Variants in ZKSCAN5 observed in about 807,000 individuals in gnomAD.
ZKSCAN5 encodes the protein zinc finger protein with KRAB and SCAN domains 5.
A neutral mutation model predicts 60.0 loss-of-function variants in ZKSCAN5; 28 were observed. The observed-to-expected ratio is 0.47, with a 90% CI of 0.35 to 0.64. The LOEUF is 0.64. ZKSCAN5 is among the 30% of genes least tolerant of loss of function. The pLI is 0.01. For missense variants in ZKSCAN5, 881 were observed against 1,034.6 expected, an observed-to-expected ratio of 0.85 and a Z score of 2.04; for synonymous variants, 361 against 371.2, an observed-to-expected ratio of 0.97 and a Z score of 0.31.
chr7:99,525,558 A>G (rs1414461172), intron 5 of ZKSCAN5, among the ~76,000 whole-genome samples: 1 of 152,084 alleles, frequency 6.6e-6, no homozygotes, highest in African/African-American at 2.4e-5. Flanking sequence ...TGCCACACTG[A>G]GAGGAGACCC....
rs192582076 is a variant in ZKSCAN5 at position 99,510,827 on chromosome 7, G to A, written c.415-1626G>A. Reference sequence around the variant, plus strand: ...GCAATCTCAGCTCACTGCACTCTCCGCCTCCCAGGCTCAAGCGATCCTCCC... The same window carrying A: ...GCAATCTCAGCTCACTGCACTCTCCACCTCCCAGGCTCAAGCGATCCTCCC... On this transcript the variant is annotated intron_variant, in intron 2 of 6. Coordinates refer to ENST00000326775, the MANE Select transcript of ZKSCAN5 (RefSeq NM_145102.4). Among the ~76,000 whole-genome samples the A allele has an allele frequency of 1.1e-4, 17 of 151,530 alleles. No individual in the cohort carries two copies. In the East Asian group the frequency reaches 3.3e-3, roughly 30 times the overall value.
At chr7:99,507,581 A>G (rs939827641) in intron 2 of ZKSCAN5, among the ~76,000 whole-genome samples, 52 of 149,086 alleles carry the variant, frequency 3.5e-4, no homozygotes, top group African/African-American at 1.2e-3. Flanking sequence ...ATATGTGTAT[A>G]TTTATGTGTG....
chr7:99,527,087 G>A (rs1340323513), intron 6 of ZKSCAN5, among the ~76,000 whole-genome samples: 2 of 152,110 alleles, frequency 1.3e-5, no homozygotes, highest in Non-Finnish European at 2.9e-5. Flanking sequence ...AGTGCTTTGG[G>A]AGGCGGCTGA....
intron 3 of ZKSCAN5, among the ~76,000 whole-genome samples, chr7:99,514,841 T>C (rs1584177964): frequency 6.6e-6 from 1 of 150,662 alleles, no homozygotes; most frequent in Non-Finnish European, 1.5e-5. Flanking sequence ...AACCCGGGAG[T>C]TGGAGGTTGC....
chr7:99,520,113 CT>C, intron 4 of ZKSCAN5, 55 bp from the exon 5 acceptor site: 1 of 1,599,278 alleles, frequency 6.3e-7, no homozygotes, highest in African/African-American at 1.3e-5. Flanking sequence ...AGTTCTTCCC[CT>C]CACTCCAAAT....
rs1293177094 is a variant in ZKSCAN5, at chr7:99,533,326, A to C, written c.*1077A>C. 4.6e-6 allele frequency: 3 copies of C among 649,590 alleles called. No individual in the cohort carries two copies. Among genetic ancestry groups the C allele is most frequent in the Non-Finnish European group, 8.5e-6 (3 of 352,562 alleles). The allele number at this position is 649,590 out of a possible 1,614,324, so 40.2% of individuals were successfully genotyped here. ...GGGGTGGGAGTTTTGAGTGGGAAAG[A>C]GGATGACATGTGTGAGAGAGTTCTG... On this transcript the variant is annotated 3_prime_UTR_variant, in exon 7 of 7. Coordinates refer to ENST00000326775, the MANE Select transcript of ZKSCAN5 (RefSeq NM_145102.4).
chr7:99,527,507 A>G (rs1358148642), intron 6 of ZKSCAN5, among the ~76,000 whole-genome samples: 1 of 152,182 alleles, frequency 6.6e-6, no homozygotes, highest in African/African-American at 2.4e-5. Context: ...AGTCGTACTC[A>G]GAATTAAATA....
At chr7:99,528,492 T>A (rs1023513553) in intron 6 of ZKSCAN5, among the ~76,000 whole-genome samples, 11 of 152,138 alleles carry the variant, frequency 7.2e-5, no homozygotes, top group Admixed American at 2.6e-4. Flanking sequence ...AGTAGCGGGA[T>A]CTCAGCTCAC....
rs1241779422 is a variant in ZKSCAN5 at position 99,519,817 on chromosome 7, C to T, written c.554-10C>T. 1 of 1,612,788 alleles carries T rather than the reference C, an allele frequency of 6.2e-7. No individual in the cohort carries two copies. The highest frequency in any genetic ancestry group is 8.5e-7 in the Non-Finnish European group (1 of 1,179,432). On this transcript the variant is annotated splice_polypyrimidine_tract_variant and intron_variant, in intron 3 of 6. Coordinates refer to ENST00000326775, the MANE Select transcript of ZKSCAN5 (RefSeq NM_145102.4). ...TGTTCTCACTTAAACCTCTTTTTCT[C>T]CTCCCTTAGCCCTTCCTGTTCTCCA...
chr7:99,510,988 C>T (rs188881896), intron 2 of ZKSCAN5, among the ~76,000 whole-genome samples: 223 of 152,326 alleles, frequency 1.5e-3, no homozygotes, highest in Non-Finnish European at 2.7e-3. Flanking sequence ...AAGTCATCCA[C>T]CCGCTTCTGC....
Position 99,505,877 on chromosome 7 carries a change from G to T in ZKSCAN5, c.-40-128G>T. 4.3e-6 allele frequency: 3 copies of T among 704,462 alleles called. No individual in the cohort carries two copies. In the South Asian group the frequency reaches 6.4e-5, roughly 15 times the overall value. The allele number at this position is 704,462 out of a possible 1,614,324, so 43.6% of individuals were successfully genotyped here. On this transcript the variant is annotated intron_variant, in intron 1 of 6. Transcript: ENST00000326775. The stretch of plus-strand genomic sequence containing the variant: ...AAGTAAATTACTTTGTTGAGTGGTC[G>T]TCTTTAGTATAGATGACCTCTTTGC...
At chr7:99,512,647 A>G (rs2151098707) in intron 3 of ZKSCAN5, 56 bp downstream of exon 3, 2 of 1,577,494 alleles carry the variant, frequency 1.3e-6, no homozygotes, top group South Asian at 1.1e-5. Flanking sequence ...TGCCTTGGCC[A>G]TGTGGCAGGC....
At chr7:99,511,807 TG>T (rs1801043108) in intron 2 of ZKSCAN5, among the ~76,000 whole-genome samples, 2 of 152,130 alleles carry the variant, frequency 1.3e-5, no homozygotes, top group Admixed American at 1.3e-4. Context: ...TTTTTTTTTT[TG>T]AGACGGAGTC....
At chr7:99,515,417 A>G (rs1037759855) in intron 3 of ZKSCAN5, among the ~76,000 whole-genome samples, 1 of 151,932 alleles carries the variant, frequency 6.6e-6, no homozygotes, top group Admixed American at 6.6e-5. Context: ...AAAAAAAAAA[A>G]CAAAAACTGC....
rs560067442 is a variant in ZKSCAN5 at position 99,510,866 on chromosome 7, C to T, written c.415-1587C>T. Reference sequence around the variant, plus strand: ...AGCGATCCTCCCCACCTCAGCCTCCCGAGTAGCTGGGACTATATAGATGTA... The same window carrying T: ...AGCGATCCTCCCCACCTCAGCCTCCTGAGTAGCTGGGACTATATAGATGTA... On this transcript the variant is annotated intron_variant, in intron 2 of 6. Coordinates refer to ENST00000326775, the MANE Select transcript of ZKSCAN5 (RefSeq NM_145102.4). 7.9e-5 allele frequency among the ~76,000 whole-genome samples: 12 copies of T among 152,190 alleles called. No homozygotes were observed. In the East Asian group the frequency reaches 1.4e-3, roughly 17 times the overall value.
At chr7:99,512,074 G>A (rs1428985165) in intron 2 of ZKSCAN5, among the ~76,000 whole-genome samples, 1 of 152,174 alleles carries the variant, frequency 6.6e-6, no homozygotes, top group Non-Finnish European at 1.5e-5. Flanking sequence ...TTACAGGCGT[G>A]AGCCACCCCG....
At chr7:99,507,511 G>GTATAAATATGTATATATA (rs1231084896) in intron 2 of ZKSCAN5, among the ~76,000 whole-genome samples, 1 of 137,644 alleles carries the variant, frequency 7.3e-6, no homozygotes, top group South Asian at 2.3e-4. Flanking sequence ...GTATATATAT[G>GTATAAATATGTATATATA]TGTGTATATA....
chr7:99,512,706 G>T (rs769122369), intron 3 of ZKSCAN5, 115 bp downstream of exon 3: 20 of 1,370,766 alleles, frequency 1.5e-5, no homozygotes, highest in Non-Finnish European at 1.8e-5. Context: ...TCTACAGCCT[G>T]CAGGGTCTAG....
At chr7:99,527,309 C>G (rs970598308) in intron 6 of ZKSCAN5, among the ~76,000 whole-genome samples, 1 of 152,164 alleles carries the variant, frequency 6.6e-6, no homozygotes, top group African/African-American at 2.4e-5. Context: ...CCACTGCACT[C>G]CAGACTGGCT....
Sources: allele counts gnomAD v4.1 joint callset (sites outside exome capture counted in the v4.1 genomes callset), GRCh38; gene constraint gnomAD v4.1.1; transcripts MANE v1.5; gene names NCBI Gene and HGNC (gene_info 2026-07-23, HGNC 2026-07-21).